TRPM2: variants seen among roughly 807,000 people sequenced by gnomAD.
TRPM2 encodes transient receptor potential cation channel subfamily M member 2, also known as estrogen-responsive element-associated gene 1 protein.
TRPM2 carries 161 observed loss-of-function variants against 174.0 expected under a neutral mutation model. The observed-to-expected ratio is 0.93, with a 90% CI of 0.81 to 1.05. The LOEUF (loss-of-function observed/expected upper bound fraction) is 1.05, where lower values mean the gene tolerates loss of function less well. TRPM2 is among the 50% of genes least tolerant of loss of function. The pLI, the probability that TRPM2 is intolerant of heterozygous loss-of-function variation, is 0.00. For synonymous variants in TRPM2, 954 were observed against 861.3 expected (o/e 1.11, Z -1.88); for missense variants, 2,057 against 2,038.0 (o/e 1.01, Z -0.18).
rs2051197260 is a variant in TRPM2, at chr21:44,435,211, T to A, written c.4055T>A (p.Val1352Asp). The change falls in exon 28 of 32, where the codon GTC becomes GAC. Residue 1352 changes from valine (V) to aspartate (D), a missense_variant. Transcript: ENST00000397928. ...FGPNHTLYPM[V>D]TRWRRNEDGA... Reference sequence around the variant, plus strand: ...CCCAACCACACGCTGTACCCCATGGTCACGCGGTGAGTTCATGTGTGCCGG... The same window carrying A: ...CCCAACCACACGCTGTACCCCATGGACACGCGGTGAGTTCATGTGTGCCGG... 1 of 1,612,848 alleles carries A rather than the reference T, an allele frequency of 6.2e-7. No individual in the cohort carries two copies.
intron 16 of TRPM2, 142 bp downstream of exon 16, chr21:44,402,039 CA>C: frequency 1.0e-6 from 1 of 969,934 alleles, no homozygotes; most frequent in Non-Finnish European, 1.6e-6. Context: ...GTTTCCTCCC[CA>C]AAATGGGTGG....
rs556136130 is a variant in TRPM2, at chr21:44,362,437, G to C, written c.255-1677G>C. On this transcript the variant is annotated intron_variant, in intron 2 of 31. Transcript: ENST00000397928. ...TGAGGTGGGAGAGTGGCGTGAACCT[G>C]GGAGGCGGAGCTTGCAGTGAGCAAA... Among the ~76,000 whole-genome samples the C allele has an allele frequency of 4.9e-4, 75 of 151,686 alleles. 1 individual carries two copies. In the Middle Eastern group the frequency reaches 0.01, roughly 21 times the overall value.
At chr21:44,389,846 A>T (rs2049119248) in intron 9 of TRPM2, among the ~76,000 whole-genome samples, 1 of 150,504 alleles carries the variant, frequency 6.6e-6, no homozygotes, top group Non-Finnish European at 1.5e-5. Context: ...TTTCTTCAAG[A>T]TGTCTTTGAA....
Position 44,354,593 on chromosome 21 carries a change from C to A in TRPM2, c.166-55C>A, listed in dbSNP as rs2048002563. On this transcript the variant is annotated intron_variant, in intron 1 of 31. Transcript: ENST00000397928. This position sits in a 1 kb window ranked among gnomAD's most constrained non-coding sequence, Gnocchi z 4.3. ...GGAGCTCAGATGTGTCTCCAGGGGGCTGGGTGTGCTCTTTCGAATGTTGGA... is the reference window on the plus strand; with the variant it reads ...GGAGCTCAGATGTGTCTCCAGGGGGATGGGTGTGCTCTTTCGAATGTTGGA... 7.3e-6 allele frequency: 11 copies of A among 1,500,876 alleles called. No homozygotes were observed. The East Asian group carries it at 2.5e-4, about 34-fold the overall frequency. The allele number at this position is 1,500,876 out of a possible 1,614,324, so 93.0% of individuals were successfully genotyped here. A position where few individuals can be genotyped will look rare whatever the true frequency, so the allele number is the denominator to read the frequency against.
chr21:44,400,392 T>G, intron 15 of TRPM2, 21 bp downstream of exon 15: 1 of 1,600,030 alleles, frequency 6.2e-7, no homozygotes, highest in Non-Finnish European at 8.5e-7. Context: ...GCTGCGGGGC[T>G]GCGGGACTGT....
intron 5 of TRPM2, among the ~76,000 whole-genome samples, chr21:44,374,442 C>T (rs1022700944): frequency 3.9e-5 from 6 of 152,052 alleles, no homozygotes; most frequent in African/African-American, 7.2e-5. Context: ...AAGCACGTTA[C>T]GTTTATTGTG....
upstream of TRPM2, among the ~76,000 whole-genome samples, chr21:44,351,524 G>A (rs2122997034): frequency 3.9e-5 from 6 of 152,234 alleles, no homozygotes; most frequent in African/African-American, 1.2e-4. Context: ...TGTGCCAGTT[G>A]CTTGTGGAGA....
At position 44,391,255 on chromosome 21, in the gene TRPM2, A is replaced by C. The variant is rs748751851; in HGVS notation, c.1441-17A>C. On this transcript the variant is annotated splice_polypyrimidine_tract_variant and intron_variant, in intron 10 of 31. Transcript: ENST00000397928. The surrounding 1 kb of genome is among the most constrained non-coding windows in gnomAD (Gnocchi z 5.0). ...GATGACCAAATGCAACCGTCACTGC[A>C]CAATGCTTGCTCTCAGCCTTCAGAT... 1.9e-6 allele frequency: 3 copies of C among 1,605,830 alleles called. No homozygotes were observed. Among genetic ancestry groups the C allele is most frequent in the Admixed American group, 1.7e-5 (1 of 59,742 alleles).
intron 15 of TRPM2, 36 bp from the exon 16 acceptor site, chr21:44,401,645 G>A (rs2049620052): frequency 3.1e-6 from 5 of 1,605,048 alleles, no homozygotes; most frequent in Non-Finnish European, 4.2e-6. Flanking sequence ...CCTGGCCCTG[G>A]TGGTCACTGT....
chr21:44,413,936 C>G lies in TRPM2; in HGVS notation c.3008C>G (p.Pro1003Arg). ...PEHCSPNGTDPYKPKCPESDA... is the reference protein window; with the variant it reads ...PEHCSPNGTDRYKPKCPESDA... Reference sequence around the variant, plus strand: ...CACTGCAGCCCCAATGGCACCGACCCCTACAAGCCTAAGTGCCCCGAGAGC... The same window carrying G: ...CACTGCAGCCCCAATGGCACCGACCGCTACAAGCCTAAGTGCCCCGAGAGC... Residue 1003 changes from proline to arginine, a missense_variant, in exon 20 of 32, where the codon CCC becomes CGC. Coordinates refer to ENST00000397928, the MANE Select transcript of TRPM2 (RefSeq NM_003307.4). The G allele has an allele frequency of 6.2e-7, 1 of 1,613,940 alleles. No individual in the cohort carries two copies. The highest frequency in any genetic ancestry group is 1.6e-4 in the Middle Eastern group (1 of 6,062).
intron 16 of TRPM2, among the ~76,000 whole-genome samples, chr21:44,403,254 C>G (rs1214412265): frequency 6.6e-6 from 1 of 152,170 alleles, no homozygotes; most frequent in Non-Finnish European, 1.5e-5. Context: ...TGCTGGTCAC[C>G]TGCCCCACCT....
At chr21:44,420,501 C>A (rs1233964486) in intron 22 of TRPM2, among the ~76,000 whole-genome samples, 1 of 152,186 alleles carries the variant, frequency 6.6e-6, no homozygotes, top group African/African-American at 2.4e-5. Flanking sequence ...AGGCTGGGGT[C>A]GCTGGTCTCC....
chr21:44,427,902 G>T (rs1276080424), intron 27 of TRPM2, among the ~76,000 whole-genome samples: 2 of 152,144 alleles, frequency 1.3e-5, no homozygotes, highest in Admixed American at 1.3e-4. Context: ...TGGTGTTGGG[G>T]GTATGTGGGA....
Position 44,437,028 on chromosome 21 carries a change from G to A in TRPM2, c.4062-34G>A, listed in dbSNP as rs116542352. 2,215 of 1,543,116 alleles carry A rather than the reference G, an allele frequency of 1.4e-3. 16 individuals carry two copies. The African/African-American group carries it at 0.023, about 16-fold the overall frequency. ...CGCAGGGGAGGGTGGAGGCCGCAGC[G>A]GGTCCTGGGCAGCCATGGCCGCTCT... On this transcript the variant is annotated intron_variant, in intron 28 of 31. Transcript: ENST00000397928.
rs559421013 is a variant in TRPM2, at chr21:44,399,526, G to T, written c.2208+85G>T. 6.6e-7 allele frequency: 1 copy of T among 1,509,030 alleles called. No individual in the cohort carries two copies. Among genetic ancestry groups the T allele is most frequent in the South Asian group, 1.3e-5 (1 of 77,114 alleles). 93.5% of individuals were successfully genotyped at this position (1,509,030 alleles called of 1,614,324 possible). On this transcript the variant is annotated intron_variant, in intron 14 of 31. Transcript: ENST00000397928. The surrounding 1 kb of genome is among the most constrained non-coding windows in gnomAD (Gnocchi z 4.6). ...AGCCTCCTGTTCGTGCAGTTGGCACGCACACTCACACAGGCTTCAGGGCCC... is the reference window on the plus strand; with the variant it reads ...AGCCTCCTGTTCGTGCAGTTGGCACTCACACTCACACAGGCTTCAGGGCCC...
chr21:44,437,058 G>C lies in TRPM2; in HGVS notation c.4062-4G>C, dbSNP rs533966760. ...CTGGGCAGCCATGGCCGCTCTCTCC[G>C]CAGGTGGAGGCGGAACGAGGATGGA... On this transcript the variant is annotated splice_region_variant and splice_polypyrimidine_tract_variant and intron_variant, in intron 28 of 31. Transcript: ENST00000397928. 12 of 1,549,956 alleles carry C rather than the reference G, an allele frequency of 7.7e-6. No homozygotes were observed. In the African/African-American group the frequency reaches 1.6e-4, roughly 21 times the overall value.
intron 7 of TRPM2, among the ~76,000 whole-genome samples, chr21:44,378,101 C>T (rs942494466): frequency 1.3e-5 from 2 of 152,270 alleles, no homozygotes. Context: ...TGGGGGGTTT[C>T]TACAACTCTG....
rs1310570625 is a variant in TRPM2 at position 44,439,604 on chromosome 21, A to G, written c.4269+436A>G. On this transcript the variant is annotated intron_variant, in intron 30 of 31. Coordinates refer to ENST00000397928, the MANE Select transcript of TRPM2 (RefSeq NM_003307.4). This position sits in a 1 kb window ranked among gnomAD's most constrained non-coding sequence, Gnocchi z 5.1. ...CTCTGGAGGGGCCCTTCCCACATGCATGCCCAGCCTGGGGACCGACTGTAC... is the reference window on the plus strand; with the variant it reads ...CTCTGGAGGGGCCCTTCCCACATGCGTGCCCAGCCTGGGGACCGACTGTAC... Among the ~76,000 whole-genome samples, 1 of 152,118 alleles carries G rather than the reference A, an allele frequency of 6.6e-6. No individual in the cohort carries two copies. The highest frequency in any genetic ancestry group is 1.5e-5 in the Non-Finnish European group (1 of 68,012).
intron 17 of TRPM2, 46 bp from the exon 18 acceptor site, chr21:44,405,859 C>T: frequency 6.3e-7 from 1 of 1,586,480 alleles, no homozygotes; most frequent in Non-Finnish European, 8.5e-7. Context: ...CTGGGGGCTG[C>T]TGTGAGCAGG....
Sources: allele counts gnomAD v4.1 joint callset (sites outside exome capture counted in the v4.1 genomes callset), GRCh38; gene constraint gnomAD v4.1.1; non-coding constraint Gnocchi (gnomAD v3.1); transcripts MANE v1.5; gene names NCBI Gene and HGNC (gene_info 2026-07-23, HGNC 2026-07-21).